The following ACSL3 variants were observed in gnomAD, a reference collection of about 807,000 sequenced individuals.
ACSL3 encodes acyl-CoA synthetase long chain family member 3, also known as fatty acid CoA ligase Acsl3.
Under a neutral mutation model 84.7 loss-of-function variants are expected in ACSL3, and 34 were observed. The ratio of observed to expected loss-of-function variants is 0.40; its 90% CI spans 0.31 to 0.53. The LOEUF (loss-of-function observed/expected upper bound fraction) is 0.53. ACSL3 is among the 20% of genes least tolerant of loss of function. ACSL3 has a pLI of 0.48. For synonymous variants in ACSL3, 315 were observed against 299.4 expected (o/e 1.05, Z -0.54); for missense variants, 680 against 873.1 (o/e 0.78, Z 2.79).
intron 4 of ACSL3, among the ~76,000 whole-genome samples, chr2:222,912,101 A>G (rs528743207): frequency 6.6e-6 from 1 of 152,314 alleles, no homozygotes; most frequent in East Asian, 1.9e-4. Flanking sequence ...AGTTTTCTTT[A>G]GGTTCATTGG....
chr2:222,881,550 C>G (rs1695591358), intron 1 of ACSL3, among the ~76,000 whole-genome samples: 1 of 152,278 alleles, frequency 6.6e-6, no homozygotes. Context: ...GAGTTTCACT[C>G]TTGTCGCCCA....
At chr2:222,914,426 C>A (rs1696524413) in intron 4 of ACSL3, among the ~76,000 whole-genome samples, 1 of 152,002 alleles carries the variant, frequency 6.6e-6, no homozygotes, top group South Asian at 2.1e-4. Context: ...GCACGTCTGG[C>A]TAATTTTTAC....
intron 15 of ACSL3, chr2:222,933,565 A>G (rs143181073): frequency 8.9e-4 from 204 of 228,418 alleles, no homozygotes; most frequent in Non-Finnish European, 1.5e-3. Flanking sequence ...TGGTACCCCT[A>G]CCTACCTGTC....
chr2:222,892,933 T>C (rs560625996), intron 2 of ACSL3, among the ~76,000 whole-genome samples: 2 of 152,354 alleles, frequency 1.3e-5, no homozygotes, highest in East Asian at 3.9e-4. Context: ...TCCAGCCACA[T>C]TTCATACTAG....
chr2:222,872,319 T>A (rs1333560247), intron 1 of ACSL3, among the ~76,000 whole-genome samples: 2 of 151,918 alleles, frequency 1.3e-5, no homozygotes, highest in Non-Finnish European at 2.9e-5. Flanking sequence ...AGAGACAGGG[T>A]TTTACCATGT....
At chr2:222,917,962 A>G (rs1696629346) in intron 5 of ACSL3, 84 bp from the exon 6 acceptor site, 3 of 987,054 alleles carry the variant, frequency 3.0e-6, no homozygotes, top group Non-Finnish European at 4.7e-6. Context: ...CTAATGCGTT[A>G]TTATGATTCA....
chr2:222,929,010 G>T, intron 13 of ACSL3, 74 bp downstream of exon 13: 2 of 1,272,794 alleles, frequency 1.6e-6, no homozygotes, highest in Admixed American at 1.9e-5. Flanking sequence ...TCACTTTCTT[G>T]CTTTAGAATG....
intron 1 of ACSL3, among the ~76,000 whole-genome samples, chr2:222,882,780 T>TTTTG (rs55838924): frequency 1.6e-5 from 2 of 123,770 alleles, no homozygotes; most frequent in South Asian, 5.2e-4. Context: ...TTTTTTTTTT[T>TTTTG]GAAGACAGAT....
At chr2:222,928,773 G>A (rs1356801954) in intron 12 of ACSL3, 89 bp from the exon 13 acceptor site, 1 of 1,116,458 alleles carries the variant, frequency 9.0e-7, no homozygotes, top group Non-Finnish European at 1.3e-6. Context: ...CTCAGCCTTA[G>A]GATAAATAAT....
chr2:222,905,899 T>A (rs1194248448), intron 3 of ACSL3, among the ~76,000 whole-genome samples: 1 of 151,960 alleles, frequency 6.6e-6, no homozygotes, highest in Admixed American at 6.6e-5. Context: ...TAGAATTCAG[T>A]CTTTTAGTTC....
At chr2:222,886,849 C>T (rs1174362110) in intron 1 of ACSL3, among the ~76,000 whole-genome samples, 1 of 152,058 alleles carries the variant, frequency 6.6e-6, no homozygotes, top group Non-Finnish European at 1.5e-5. Context: ...CAGGCATAGC[C>T]TCCCTCTTTA....
At chr2:222,874,530 AAAT>A in intron 1 of ACSL3, among the ~76,000 whole-genome samples, 1 of 152,202 alleles carries the variant, frequency 6.6e-6, no homozygotes, top group East Asian at 1.9e-4. Flanking sequence ...GTCTCTATAA[AAAT>A]AATAAAAAAT....
intron 1 of ACSL3, among the ~76,000 whole-genome samples, chr2:222,878,607 TAG>T (rs759974395): frequency 2.6e-5 from 4 of 152,182 alleles, no homozygotes; most frequent in Non-Finnish European, 5.9e-5. Context: ...GTTCTATGAA[TAG>T]AGTCAATGAT....
At chr2:222,900,365 T>C (rs1696107281) in intron 2 of ACSL3, among the ~76,000 whole-genome samples, 1 of 152,122 alleles carries the variant, frequency 6.6e-6, no homozygotes, top group Non-Finnish European at 1.5e-5. Context: ...TTTCTGTCCT[T>C]GAGCTTGATC....
chr2:222,929,662 C>T (rs13413471), intron 13 of ACSL3, among the ~76,000 whole-genome samples: 47,451 of 151,548 alleles, frequency 0.31, 7,666 homozygotes, highest in Admixed American at 0.41. Flanking sequence ...CCTGTAATTC[C>T]AGCTACTCGG....
At position 222,944,125 on chromosome 2, in the gene ACSL3, A is replaced by T. The variant is rs1697397616; in HGVS notation, c.*2471A>T. 1 of 152,116 alleles carries T rather than the reference A, an allele frequency of 6.6e-6. No individual in the cohort carries two copies. Among genetic ancestry groups the T allele is most frequent in the South Asian group, 2.1e-4 (1 of 4,832 alleles). The allele number at this position is 152,116 out of a possible 1,614,324, so 9.4% of individuals were successfully genotyped here. A position where few individuals can be genotyped will look rare whatever the true frequency, so the allele number is the denominator to read the frequency against. On this transcript the variant is annotated 3_prime_UTR_variant, in exon 17 of 17. Transcript: ENST00000357430. ...CATGAAAAAGTTTTTGCTGACACAG[A>T]ACAAACCTGAAAGTAGTATCTACTT...
chr2:222,917,921 T>TA, intron 5 of ACSL3, 125 bp from the exon 6 acceptor site: 1 of 641,678 alleles, frequency 1.6e-6, no homozygotes, highest in Non-Finnish European at 2.7e-6. Flanking sequence ...ACATAACACT[T>TA]ATAGACTGTG....
In ACSL3 at chr2:222,942,174, T is replaced by C. The variant is rs1341741530; in HGVS notation, c.*520T>C. The C allele has an allele frequency of 5.1e-6, 1 of 196,186 alleles. No individual in the cohort carries two copies. Among genetic ancestry groups the C allele is most frequent in the Non-Finnish European group, 1.1e-5 (1 of 94,302 alleles). The allele number at this position is 196,186 out of a possible 1,614,324, so 12.2% of individuals were successfully genotyped here. ...GATTTGTTGCTGTGTAATTATTGTC[T>C]TGTATGCATTTGAGAGAAATAAATA... On this transcript the variant is annotated 3_prime_UTR_variant, in exon 17 of 17. Coordinates refer to ENST00000357430, the MANE Select transcript of ACSL3 (RefSeq NM_004457.5).
At chr2:222,936,359 T>C (rs1697169801) in intron 16 of ACSL3, among the ~76,000 whole-genome samples, 1 of 152,234 alleles carries the variant, frequency 6.6e-6, no homozygotes, top group Non-Finnish European at 1.5e-5. Flanking sequence ...TAATGACTAT[T>C]GATTTACATT....
Sources: allele counts gnomAD v4.1 joint callset (sites outside exome capture counted in the v4.1 genomes callset), GRCh38; gene constraint gnomAD v4.1.1; transcripts MANE v1.5; gene names NCBI Gene and HGNC (gene_info 2026-07-23, HGNC 2026-07-21).